The following HDHD5 variants were observed in gnomAD, a reference collection of about 807,000 sequenced individuals.
The protein encoded by HDHD5 is haloacid dehalogenase like hydrolase domain containing 5.
Under a neutral mutation model 35.5 loss-of-function variants are expected in HDHD5, and 34 were observed. The observed-to-expected ratio is 0.96, with a 90% CI of 0.73 to 1.28. The LOEUF is 1.28. Ranked by LOEUF, HDHD5 falls within the 50% of genes most tolerant of loss-of-function variation. HDHD5 has a pLI of 0.00. For synonymous variants in HDHD5, 248 were observed against 240.6 expected (o/e 1.03, Z -0.29); for missense variants, 589 against 560.2 (o/e 1.05, Z -0.52).
At chr22:17,149,891 A>T in intron 1 of HDHD5, 146 bp from the exon 2 acceptor site, 1 of 626,642 alleles carries the variant, frequency 1.6e-6, no homozygotes, top group Non-Finnish European at 2.8e-6. Flanking sequence ...GGATTCTGAT[A>T]GGGCAATCTT....
At chr22:17,161,214 C>T (rs182005129), upstream of HDHD5, among the ~76,000 whole-genome samples, 3 of 133,876 alleles carry the variant, frequency 2.2e-5, no homozygotes, top group African/African-American at 8.7e-5. Flanking sequence ...CCACTGTACT[C>T]GAGCCTGGGC....
At chr22:17,154,134 T>G (rs1237271964) in intron 1 of HDHD5, among the ~76,000 whole-genome samples, 1 of 149,090 alleles carries the variant, frequency 6.7e-6, no homozygotes, top group East Asian at 2.1e-4. Context: ...AGTGCTGGGA[T>G]TACAGGCGTG....
At position 17,138,542 on chromosome 22, in the gene HDHD5, G is replaced by C; in HGVS notation, c.935+8C>G. 4 of 1,612,862 alleles carry C rather than the reference G, an allele frequency of 2.5e-6. No homozygotes were observed. The highest frequency in any genetic ancestry group is 1.7e-4 in the Middle Eastern group (1 of 5,986). On this transcript the variant is annotated splice_region_variant and intron_variant, in intron 7 of 7. Transcript: ENST00000336737. ...TAAAAGGGACAAAGGAGGGAGAGCA[G>C]AGCCTACCCCACAGCATAGAGCTTC...
chr22:17,141,451 A>G, intron 5 of HDHD5: 1 of 1,355,830 alleles, frequency 7.4e-7, no homozygotes. Flanking sequence ...GAGGGCTCCC[A>G]TTCTGACTTC....
At chr22:17,158,429 G>A (rs925865977) in intron 1 of HDHD5, 1 of 152,240 alleles carries the variant, frequency 6.6e-6, no homozygotes, top group Non-Finnish European at 1.5e-5. Context: ...CGGCCCAAGG[G>A]AGCGTGAGAG....
At chr22:17,143,181 A>G (rs1367501566) in intron 4 of HDHD5, 50 bp from the exon 5 acceptor site, 1 of 1,590,856 alleles carries the variant, frequency 6.3e-7, no homozygotes, top group Non-Finnish European at 8.6e-7. Flanking sequence ...CTTCCACTCC[A>G]GGAGAACCAC....
Position 17,159,252 on chromosome 22 carries a change from C to A in HDHD5, c.-1G>T. The A allele has an allele frequency of 7.9e-7, 1 of 1,268,592 alleles. No individual in the cohort carries two copies. Among genetic ancestry groups the A allele is most frequent in the South Asian group, 2.0e-5 (1 of 50,464 alleles). 78.6% of individuals were successfully genotyped at this position (1,268,592 alleles called of 1,614,324 possible). ...CAGCCACACAGCCCCACGCAGCCATCCGGCCGTCGCCGTGCGCACGTGCAC... is the reference window on the plus strand; with the variant it reads ...CAGCCACACAGCCCCACGCAGCCATACGGCCGTCGCCGTGCGCACGTGCAC... On this transcript the variant is annotated 5_prime_UTR_variant, in exon 1 of 8. Transcript: ENST00000336737.
intron 5 of HDHD5, 144 bp from the exon 6 acceptor site, chr22:17,141,377 C>T (rs2286955): frequency 0.067 from 93,716 of 1,404,236 alleles, 3,999 homozygotes; most frequent in East Asian, 0.18. Flanking sequence ...CCAACAAGCC[C>T]AGTAGAGCCC....
intron 1 of HDHD5, 83 bp from the exon 2 acceptor site, chr22:17,149,828 G>A (rs2061706623): frequency 5.0e-6 from 6 of 1,197,070 alleles, no homozygotes; most frequent in Non-Finnish European, 7.3e-6. Flanking sequence ...CCATCCTCGG[G>A]TCACTCATGT....
At chr22:17,140,075 A>C (rs2061582623) in intron 6 of HDHD5, among the ~76,000 whole-genome samples, 1 of 152,198 alleles carries the variant, frequency 6.6e-6, no homozygotes. Context: ...TTTAAAAGTG[A>C]CAAGAGCATA....
chr22:17,158,931 G>A (rs2061834647), intron 1 of HDHD5, 195 bp downstream of exon 1: 1 of 423,024 alleles, frequency 2.4e-6, no homozygotes, highest in Non-Finnish European at 3.7e-6. Flanking sequence ...CGTTTCCGAG[G>A]CCGCCAGCGA....
At chr22:17,149,814 A>C in intron 1 of HDHD5, 69 bp from the exon 2 acceptor site, 7 of 1,393,602 alleles carry the variant, frequency 5.0e-6, no homozygotes, top group Non-Finnish European at 7.1e-6. Flanking sequence ...AGAGAGGCTC[A>C]ACACCATCCT....
chr22:17,157,074 T>TCACACACACACA (rs1388907001), intron 1 of HDHD5, among the ~76,000 whole-genome samples: 1 of 52,780 alleles, frequency 1.9e-5, no homozygotes, highest in Non-Finnish European at 3.5e-5. Context: ...CTAGACACCG[T>TCACACACACACA]CTCACACACA....
intron 3 of HDHD5, among the ~76,000 whole-genome samples, chr22:17,147,235 C>A (rs371839580): frequency 1.2e-3 from 1 of 816 alleles, no homozygotes. Context: ...CCTGTGACGC[C>A]CTCCTGTGAG....
upstream of HDHD5, among the ~76,000 whole-genome samples, chr22:17,160,267 C>T (rs1412281563): frequency 6.6e-6 from 1 of 152,074 alleles, no homozygotes; most frequent in Non-Finnish European, 1.5e-5. Context: ...AATCCCAGAA[C>T]TTTGGAAGGT....
At position 17,144,369 on chromosome 22, in the gene HDHD5, C is replaced by A. The variant is rs554778267; in HGVS notation, c.537+655G>T. ...GGCTCAAGCAACCCTCCTGCCTCAG[C>A]CTCCTGAGTAGCTGGGACTATAGGC... is the stretch of plus-strand genomic sequence containing the variant. On this transcript the variant is annotated intron_variant, in intron 4 of 7. Coordinates refer to ENST00000336737, the MANE Select transcript of HDHD5 (RefSeq NM_033070.3). Among the ~76,000 whole-genome samples, 21 of 151,906 alleles carry A rather than the reference C, an allele frequency of 1.4e-4. 1 individual carries two copies. The East Asian group carries it at 3.9e-3, about 28-fold the overall frequency.
intron 4 of HDHD5, 130 bp downstream of exon 4, chr22:17,144,894 G>T: frequency 3.6e-6 from 4 of 1,121,582 alleles, no homozygotes; most frequent in Non-Finnish European, 5.2e-6. Context: ...CCCTTAGCCA[G>T]ATGTGCCTCC....
upstream of HDHD5, among the ~76,000 whole-genome samples, chr22:17,162,707 G>C (rs1389697855): frequency 1.3e-5 from 2 of 152,212 alleles, no homozygotes; most frequent in East Asian, 1.9e-4. Flanking sequence ...TAAAAGGTAA[G>C]AACCATCCTC....
rs2061781032 is a variant in HDHD5, at chr22:17,155,642, CCCA to C, written c.126+3481_126+3483del. 2.6e-5 allele frequency among the ~76,000 whole-genome samples: 4 copies of C among 152,262 alleles called. No individual in the cohort carries two copies. The South Asian group carries it at 8.3e-4, about 32-fold the overall frequency. ...GAGCAATATCCATAAGGCTCCCTCA[CCCA>C]TCACTCCAACCCCTCCCCAACCTTC... On this transcript the variant is annotated intron_variant, in intron 1 of 7. Coordinates refer to ENST00000336737, the MANE Select transcript of HDHD5 (RefSeq NM_033070.3).
Sources: allele counts gnomAD v4.1 joint callset (sites outside exome capture counted in the v4.1 genomes callset), GRCh38; gene constraint gnomAD v4.1.1; transcripts MANE v1.5; gene names NCBI Gene and HGNC (gene_info 2026-07-23, HGNC 2026-07-21).